Variants in FMNL2 observed in about 807,000 individuals in gnomAD.
The protein encoded by FMNL2 is formin-like protein 2.
FMNL2 carries 51 observed loss-of-function variants against 130.2 expected under a neutral mutation model. That is an observed-to-expected ratio of 0.39 (90% CI 0.31 to 0.49). The LOEUF (loss-of-function observed/expected upper bound fraction) is 0.49, where lower values mean the gene tolerates loss of function less well. Ranked by LOEUF, FMNL2 falls within the 20% of genes least tolerant of loss-of-function variation. The pLI, the probability that FMNL2 is intolerant of heterozygous loss-of-function variation, is 0.85. For missense variants in FMNL2, 977 were observed against 1,316.2 expected, an observed-to-expected ratio of 0.74 and a Z score of 3.99; for synonymous variants, 465 against 467.1, an observed-to-expected ratio of 1.00 and a Z score of 0.06.
intron 1 of FMNL2, among the ~76,000 whole-genome samples, chr2:152,504,955 A>G (rs1692073497): frequency 6.6e-6 from 1 of 152,248 alleles, no homozygotes; most frequent in African/African-American, 2.4e-5. Flanking sequence ...AGGTGAAACC[A>G]GCAAGTTAAT....
At position 152,611,577 on chromosome 2, in the gene FMNL2, C is replaced by T. The variant is rs374304834; in HGVS notation, c.1034C>T (p.Thr345Ile). Residue 345 changes from threonine (T) to isoleucine (I), a missense_variant, in exon 11 of 26, where the codon ACC becomes ATC. Coordinates refer to ENST00000288670, the MANE Select transcript of FMNL2 (RefSeq NM_052905.4). ...NFRVHLQYEF[T>I]KLGLDEYLDK... Reference sequence around the variant, plus strand: ...AGAGTTCACCTGCAGTATGAATTTACCAAATTAGGCCTGGACGAATACTTG... The same window carrying T: ...AGAGTTCACCTGCAGTATGAATTTATCAAATTAGGCCTGGACGAATACTTG... The T allele has an allele frequency of 2.6e-5, 42 of 1,601,556 alleles. No homozygotes were observed. Among genetic ancestry groups the T allele is most frequent in the Non-Finnish European group, 3.6e-5 (42 of 1,172,442 alleles).
chr2:152,515,100 CACACATTAGA>C (rs1234770289), intron 1 of FMNL2, among the ~76,000 whole-genome samples: 2 of 152,250 alleles, frequency 1.3e-5, no homozygotes, highest in East Asian at 3.9e-4. Flanking sequence ...CTCCAAAGCC[CACACATTAGA>C]AACCATATTG....
chr2:152,360,088 C>G (rs1683075331), intron 1 of FMNL2, among the ~76,000 whole-genome samples: 1 of 152,120 alleles, frequency 6.6e-6, no homozygotes, highest in South Asian at 2.1e-4. Flanking sequence ...TGGAATATCA[C>G]TATTAGTTTC....
intron 1 of FMNL2, among the ~76,000 whole-genome samples, chr2:152,361,793 A>G (rs909595120): frequency 2.0e-5 from 3 of 152,122 alleles, no homozygotes; most frequent in Admixed American, 6.6e-5. Context: ...ATATGGGATA[A>G]ATCCTCCAAA....
chr2:152,381,795 A>C (rs67761838), intron 1 of FMNL2, among the ~76,000 whole-genome samples: 20,643 of 148,124 alleles, frequency 0.14, 1,522 homozygotes, highest in Middle Eastern at 0.29. Context: ...TAGCATAACA[A>C]ACAGCAAAGC....
intron 14 of FMNL2, 50 bp downstream of exon 14, chr2:152,619,208 T>G (rs1469095841): frequency 6.7e-7 from 1 of 1,503,490 alleles, no homozygotes. Context: ...TATTTGTATT[T>G]CTTCTTTTGC....
rs984276072 is a variant in FMNL2 at position 152,648,886 on chromosome 2, T to C, written c.*981T>C. 4 of 152,602 alleles carry C rather than the reference T, an allele frequency of 2.6e-5. No individual in the cohort carries two copies. Among genetic ancestry groups the C allele is most frequent in the African/African-American group, 9.7e-5 (4 of 41,440 alleles). The allele number at this position is 152,602 out of a possible 1,614,324, so 9.5% of individuals were successfully genotyped here. A position where few individuals can be genotyped will look rare whatever the true frequency, so the allele number is the denominator to read the frequency against. On this transcript the variant is annotated 3_prime_UTR_variant, in exon 26 of 26. Coordinates refer to ENST00000288670, the MANE Select transcript of FMNL2 (RefSeq NM_052905.4). ...TTTCATGCATTTCCCAGACTACTTA[T>C]GGAGAATTGCAGTTTAAGTTGCTGA...
chr2:152,503,564 T>G (rs138898369), intron 1 of FMNL2, among the ~76,000 whole-genome samples: 3 of 152,186 alleles, frequency 2.0e-5, no homozygotes, highest in African/African-American at 7.2e-5. Context: ...CTGACTAAAG[T>G]TTGGTCAAGC....
At chr2:152,645,620 G>A (rs752486642) in intron 25 of FMNL2, 1 of 768,856 alleles carries the variant, frequency 1.3e-6, no homozygotes, top group Non-Finnish European at 1.8e-6. Flanking sequence ...GTGAGAATCT[G>A]ACCAGGGAGT....
chr2:152,587,121 G>A (rs1697127555), intron 9 of FMNL2, among the ~76,000 whole-genome samples: 1 of 152,322 alleles, frequency 6.6e-6, no homozygotes, highest in African/African-American at 2.4e-5. Flanking sequence ...CATAGCATCT[G>A]GCTTCTGAGG....
rs1685005670 is a variant in FMNL2 at position 152,389,896 on chromosome 2, A to G, written c.117+54176A>G. 4.4e-5 allele frequency: 45 copies of G among 1,020,042 alleles called. No individual in the cohort carries two copies. In the South Asian group the frequency reaches 5.6e-4, roughly 13 times the overall value. The allele number at this position is 1,020,042 out of a possible 1,614,324, so 63.2% of individuals were successfully genotyped here. A position where few individuals can be genotyped will look rare whatever the true frequency, so the allele number is the denominator to read the frequency against. On this transcript the variant is annotated intron_variant, in intron 1 of 25. Coordinates refer to ENST00000288670, the MANE Select transcript of FMNL2 (RefSeq NM_052905.4). The stretch of plus-strand genomic sequence containing the variant: ...GGCACAGAAGGCCCGGTGGGAGAAG[A>G]GAACCCGGGAGAAGGTGGAGCGGGT...
intron 3 of FMNL2, among the ~76,000 whole-genome samples, chr2:152,543,883 C>T (rs931626120): frequency 6.6e-6 from 1 of 152,080 alleles, no homozygotes; most frequent in Non-Finnish European, 1.5e-5. Flanking sequence ...TCATCACTGG[C>T]TGTATGTCAT....
chr2:152,335,717 G>A lies in FMNL2; in HGVS notation c.114G>A (p.Val38=). 6.4e-7 allele frequency: 1 copy of A among 1,570,134 alleles called. No homozygotes were observed. Among genetic ancestry groups the A allele is most frequent in the Non-Finnish European group, 8.6e-7 (1 of 1,159,776 alleles). The change falls in exon 1 of 26, where the codon GTG becomes GTA. Residue 38 remains valine, a synonymous_variant. Coordinates refer to ENST00000288670, the MANE Select transcript of FMNL2 (RefSeq NM_052905.4). The part of the protein sequence containing the change: ...PGELEERFAI[V]LNAMNLPPDK... ...AACTGGAGGAGCGATTTGCCATCGT[G>A]CTGGTAAGTGCGCGGCGGCGGTCGG...
chr2:152,345,448 A>C (rs1454815874), intron 1 of FMNL2, among the ~76,000 whole-genome samples: 2 of 152,228 alleles, frequency 1.3e-5, no homozygotes, highest in African/African-American at 4.8e-5. Context: ...GCACCATGGC[A>C]ACACTCAGTT....
chr2:152,439,018 G>A (rs1687917295), intron 1 of FMNL2, among the ~76,000 whole-genome samples: 1 of 151,620 alleles, frequency 6.6e-6, no homozygotes, highest in Admixed American at 6.6e-5. Flanking sequence ...TGAAAAGAAA[G>A]TAGAAATAAA....
In FMNL2 at chr2:152,571,342, A is replaced by G. The variant is rs187279171; in HGVS notation, c.597-3794A>G. Among the ~76,000 whole-genome samples the G allele has an allele frequency of 4.3e-3, 652 of 152,298 alleles. 1 individual carries two copies. The highest frequency in any genetic ancestry group is 0.012 in the South Asian group (56 of 4,822). ...TCTGGGATCATGCAAGATGTATTAC[A>G]TGGGACAGGACTAAATAAAGCTCAT... On this transcript the variant is annotated intron_variant, in intron 6 of 25. Coordinates refer to ENST00000288670, the MANE Select transcript of FMNL2 (RefSeq NM_052905.4).
intron 1 of FMNL2, among the ~76,000 whole-genome samples, chr2:152,367,692 C>G (rs10195727): frequency 0.046 from 7,042 of 152,224 alleles, 272 homozygotes; most frequent in African/African-American, 0.097. Context: ...AGGAAGCTGA[C>G]TGAGCACGTA....
At chr2:152,488,542 A>G (rs1490344609) in intron 1 of FMNL2, among the ~76,000 whole-genome samples, 1 of 152,228 alleles carries the variant, frequency 6.6e-6, no homozygotes, top group Non-Finnish European at 1.5e-5. Context: ...GAGATAACGT[A>G]TAATTTAGTT....
chr2:152,535,187 A>C (rs60309166), intron 2 of FMNL2, among the ~76,000 whole-genome samples: 5 of 152,092 alleles, frequency 3.3e-5, no homozygotes, highest in Non-Finnish European at 5.9e-5. Flanking sequence ...CCTTTGTGCA[A>C]TTTTCATAAA....
Sources: allele counts gnomAD v4.1 joint callset (sites outside exome capture counted in the v4.1 genomes callset), GRCh38; gene constraint gnomAD v4.1.1; transcripts MANE v1.5; gene names NCBI Gene and HGNC (gene_info 2026-07-23, HGNC 2026-07-21).